The following DEFB134 variants were observed in gnomAD, a reference collection of about 807,000 sequenced individuals.
DEFB134 encodes the protein beta-defensin 134.
DEFB134 carries 7 observed loss-of-function variants against 7.4 expected under a neutral mutation model. The observed-to-expected ratio is 0.95, with a 90% CI of 0.54 to 1.79. The LOEUF (loss-of-function observed/expected upper bound fraction) is 1.79. Among genes scored for constraint, DEFB134 ranks in the 40% most tolerant of loss-of-function variants. The pLI is 0.00. For missense variants in DEFB134, 105 were observed against 74.8 expected, an observed-to-expected ratio of 1.40 and a Z score of -1.49; for synonymous variants, 33 against 25.0, an observed-to-expected ratio of 1.32 and a Z score of -0.96.
chr8:11,995,689 A>C (rs1800100064), intron 1 of DEFB134, among the ~76,000 whole-genome samples: 1 of 152,248 alleles, frequency 6.6e-6, no homozygotes, highest in Non-Finnish European at 1.5e-5. Flanking sequence ...AGTATATTAG[A>C]AAATTAACAA....
chr8:11,993,967 T>C (rs751484849), exon 2 of DEFB134: 5 of 1,609,732 alleles, frequency 3.1e-6, no homozygotes, highest in East Asian at 2.2e-5. Context: ...TGGCCATTCA[T>C]TGGTTTCTTA....
At position 11,994,127 on chromosome 8, in the gene DEFB134, A is replaced by G; in HGVS notation, c.59-5T>C. 6.2e-7 allele frequency: 1 copy of G among 1,608,328 alleles called. No individual in the cohort carries two copies. On this transcript the variant is annotated splice_region_variant and splice_polypyrimidine_tract_variant and intron_variant, in intron 1 of 1. Coordinates refer to ENST00000526438, the Ensembl canonical transcript of DEFB134. ...CTGATGATAATGAATTTATACCTGG[A>G]AGGAAAATGAATAGAAAGATAATTC...
chr8:12,000,107 A>C (rs968751855), upstream of DEFB134, among the ~76,000 whole-genome samples: 3 of 152,234 alleles, frequency 2.0e-5, no homozygotes, highest in Non-Finnish European at 2.9e-5. Flanking sequence ...CAGCCTTTCC[A>C]AATGACAATC....
chr8:11,994,314 C>T (rs1340577987), intron 1 of DEFB134, among the ~76,000 whole-genome samples, 192 bp from the exon 3 acceptor site: 1 of 152,156 alleles, frequency 6.6e-6, no homozygotes, highest in Non-Finnish European at 1.5e-5. Context: ...GAAACCCTCA[C>T]CCCTGATGTG....
chr8:11,998,237 C>A (rs1256083939), upstream of DEFB134, among the ~76,000 whole-genome samples: 11 of 151,968 alleles, frequency 7.2e-5, no homozygotes, highest in South Asian at 2.3e-3. Flanking sequence ...TCACTTGAGT[C>A]CAGGAGTTTA....
upstream of DEFB134, among the ~76,000 whole-genome samples, chr8:12,000,386 G>A (rs116081770): frequency 3.0e-3 from 460 of 152,200 alleles, 4 homozygotes; most frequent in African/African-American, 0.011. Context: ...AGTGCCAAAG[G>A]TATATTTGTT....
exon 2 of DEFB134, chr8:11,993,913 C>T: frequency 6.4e-7 from 1 of 1,566,774 alleles, no homozygotes. Flanking sequence ...ATCTAAATTC[C>T]CTGGTTTTGT....
intron 1 of DEFB134, among the ~76,000 whole-genome samples, chr8:11,995,958 C>CAAAAAAAAA (rs34837269): frequency 6.4e-5 from 9 of 139,950 alleles, no homozygotes; most frequent in African/African-American, 2.5e-4. Flanking sequence ...TCAGTTCAGC[C>CAAAAAAAAA]AAAAAAAAAA....
chr8:11,996,434 G>GA (rs1256109130), upstream of DEFB134: 40 of 464,830 alleles, frequency 8.6e-5, no homozygotes, highest in South Asian at 1.9e-4. Context: ...CTCATCTGAG[G>GA]AAAAAAAATG....
At chr8:11,993,974 C>T (rs750211265) in exon 2 of DEFB134, 28 of 1,610,818 alleles carry the variant, frequency 1.7e-5, no homozygotes, top group Non-Finnish European at 2.4e-5. Flanking sequence ...TCATTGGTTT[C>T]TTATGTCAGG....
chr8:11,996,334 G>T, upstream of DEFB134: 1 of 1,502,878 alleles, frequency 6.7e-7, no homozygotes, highest in Non-Finnish European at 9.2e-7. Flanking sequence ...TGAGCACACA[G>T]TCCTATACAA....
intron 1 of DEFB134, among the ~76,000 whole-genome samples, chr8:11,994,410 G>A (rs1036538980): frequency 6.6e-6 from 1 of 152,178 alleles, no homozygotes; most frequent in East Asian, 1.9e-4. Flanking sequence ...AAGATTGATA[G>A]GCTAATCCAA....
chr8:11,996,780 C>T (rs535075028), upstream of DEFB134, among the ~76,000 whole-genome samples: 4 of 152,024 alleles, frequency 2.6e-5, no homozygotes, highest in Non-Finnish European at 5.9e-5. Context: ...AATTAGGTAT[C>T]CTGCTTTTGT....
intron 1 of DEFB134, among the ~76,000 whole-genome samples, chr8:11,995,181 G>A (rs1348374550): frequency 1.3e-5 from 2 of 152,192 alleles, no homozygotes; most frequent in African/African-American, 2.4e-5. Flanking sequence ...GAAATGACAA[G>A]TTATGAGAAT....
chr8:11,998,060 G>T (rs1046566708), upstream of DEFB134, among the ~76,000 whole-genome samples: 6 of 152,150 alleles, frequency 3.9e-5, no homozygotes, highest in African/African-American at 1.4e-4. Flanking sequence ...ATACCAAGAA[G>T]ATCTCTCAAA....
chr8:11,996,272 G>C (rs375887606), exon 1 of DEFB134: 2 of 1,613,404 alleles, frequency 1.2e-6, no homozygotes, highest in Non-Finnish European at 1.7e-6. Flanking sequence ...TTCTGTTAAG[G>C]AGGCTAGTGG....
At chr8:11,993,207 C>T (rs1034107709) in exon 2 of DEFB134, 1 of 152,178 alleles carries the variant, frequency 6.6e-6, no homozygotes, top group African/African-American at 2.4e-5. Context: ...ACACATATAG[C>T]AAAGCAAGAT....
chr8:12,000,167 G>A (rs1364069610), upstream of DEFB134, among the ~76,000 whole-genome samples: 1 of 152,254 alleles, frequency 6.6e-6, no homozygotes, highest in Admixed American at 6.5e-5. Flanking sequence ...GCAGAAGGAA[G>A]CAGCTTCTGT....
chr8:11,998,571 A>G (rs187674770), upstream of DEFB134, among the ~76,000 whole-genome samples: 5 of 152,324 alleles, frequency 3.3e-5, no homozygotes, highest in Non-Finnish European at 7.3e-5. Context: ...TATAGCATGA[A>G]AATGCCTACA....
Sources: gnomAD v4.1 joint callset for allele counts (sites outside exome capture counted in the v4.1 genomes callset) on GRCh38, gnomAD v4.1.1 for gene constraint, MANE v1.5 for transcripts, NCBI Gene and HGNC (gene_info 2026-07-23, HGNC 2026-07-21) for gene names.